The following OPCML variants were observed in gnomAD, a reference collection of about 807,000 sequenced individuals.
The protein encoded by OPCML is opioid binding protein/cell adhesion molecule like, also known as opioid-binding protein/cell adhesion molecule.
Under a neutral mutation model 37.8 loss-of-function variants are expected in OPCML, and 13 were observed. The observed-to-expected ratio is 0.34, with a 90% CI of 0.22 to 0.55. The LOEUF is 0.55. OPCML is among the 20% of genes least tolerant of loss of function. The probability of loss-of-function intolerance (pLI) is 0.91; values close to 1 mark genes in which losing one functional copy is unlikely to be tolerated. For missense variants in OPCML, 341 were observed against 435.6 expected (o/e 0.78, Z 1.93); for synonymous variants, 176 against 168.8 (o/e 1.04, Z -0.33).
chr11:132,532,268 C>T (rs905007268), intron 3 of OPCML, among the ~76,000 whole-genome samples: 4 of 152,134 alleles, frequency 2.6e-5, no homozygotes, highest in African/African-American at 9.7e-5. Context: ...TCCTCTGTAG[C>T]TCCGTCATGT....
intron 1 of OPCML, among the ~76,000 whole-genome samples, chr11:133,011,090 C>T (rs112822564): frequency 2.0e-5 from 3 of 152,224 alleles, no homozygotes; most frequent in African/African-American, 7.2e-5. Flanking sequence ...TTCTTAAAAC[C>T]ATGTTATTTA....
In OPCML at chr11:132,557,256, G is replaced by T. The variant is rs540042159; in HGVS notation, c.380-28070C>A. Reference sequence around the variant, plus strand: ...CAATTTAGATTCTGTACCCAGAGCCGATTGACAGTGGTGGATTCCAAGGTC... The same window carrying T: ...CAATTTAGATTCTGTACCCAGAGCCTATTGACAGTGGTGGATTCCAAGGTC... On this transcript the variant is annotated intron_variant, in intron 3 of 7. Transcript: ENST00000524381. Among the ~76,000 whole-genome samples the T allele has an allele frequency of 9.8e-5, 15 of 152,294 alleles. No individual in the cohort carries two copies. In the South Asian group the frequency reaches 3.1e-3, roughly 32 times the overall value.
chr11:132,474,236 G>A (rs1161505313), intron 4 of OPCML, among the ~76,000 whole-genome samples: 2 of 152,078 alleles, frequency 1.3e-5, no homozygotes, highest in African/African-American at 4.8e-5. Context: ...TCCTGCCTTT[G>A]TAGCTTTGCT....
At chr11:133,478,465 G>T in intron 1 of OPCML, among the ~76,000 whole-genome samples, 1 of 123,880 alleles carries the variant, frequency 8.1e-6, no homozygotes, top group Non-Finnish European at 1.8e-5. Context: ...TCGTGTCATA[G>T]TTTGTGGGGT....
chr11:133,342,873 C>T (rs1380200384), intron 1 of OPCML, among the ~76,000 whole-genome samples: 4 of 152,166 alleles, frequency 2.6e-5, no homozygotes, highest in Non-Finnish European at 5.9e-5. Context: ...CTGAGAATTA[C>T]TCATTTTGGA....
At chr11:132,715,706 G>C (rs1259189622) in intron 2 of OPCML, among the ~76,000 whole-genome samples, 6 of 152,156 alleles carry the variant, frequency 3.9e-5, no homozygotes, top group African/African-American at 1.4e-4. Flanking sequence ...AGCTACACTA[G>C]CACCCTGGTT....
At chr11:132,457,236 C>A (rs186208145) in intron 4 of OPCML, among the ~76,000 whole-genome samples, 2 of 152,122 alleles carry the variant, frequency 1.3e-5, no homozygotes, top group African/African-American at 4.8e-5. Flanking sequence ...ATGAGGCTGA[C>A]GAATTGAGCA....
intron 2 of OPCML, among the ~76,000 whole-genome samples, chr11:132,757,661 A>C (rs1241806083): frequency 6.6e-6 from 1 of 151,982 alleles, no homozygotes; most frequent in African/African-American, 2.4e-5. Flanking sequence ...TTTTTCTTGT[A>C]AAATTGTTTA....
chr11:133,343,769 T>C (rs1943931094), intron 1 of OPCML, among the ~76,000 whole-genome samples: 2 of 152,216 alleles, frequency 1.3e-5, no homozygotes, highest in South Asian at 4.1e-4. Flanking sequence ...AAAAGAGGCC[T>C]GACACAGGGT....
intron 3 of OPCML, among the ~76,000 whole-genome samples, chr11:132,612,997 A>T (rs372072465): frequency 6.6e-6 from 1 of 152,330 alleles, no homozygotes; most frequent in African/African-American, 2.4e-5. Context: ...GCATTTAGAA[A>T]CTTATTCCTG....
chr11:133,436,658 G>A (rs1946239554), intron 1 of OPCML, among the ~76,000 whole-genome samples: 1 of 152,142 alleles, frequency 6.6e-6, no homozygotes, highest in Admixed American at 6.5e-5. Flanking sequence ...CATACAATTA[G>A]GGAAATACGG....
At chr11:133,414,913 T>G (rs1490690988) in intron 1 of OPCML, among the ~76,000 whole-genome samples, 3 of 152,006 alleles carry the variant, frequency 2.0e-5, no homozygotes, top group East Asian at 1.9e-4. Flanking sequence ...TGACATCTGT[T>G]GCTAGGAGTG....
chr11:133,000,277 G>A (rs1425015621), intron 1 of OPCML, among the ~76,000 whole-genome samples: 4 of 151,974 alleles, frequency 2.6e-5, no homozygotes, highest in Admixed American at 1.3e-4. Context: ...CGCACCCAAC[G>A]AGTTTTTGTA....
At chr11:133,392,430 G>T (rs138660056) in intron 1 of OPCML, among the ~76,000 whole-genome samples, 1 of 152,294 alleles carries the variant, frequency 6.6e-6, no homozygotes, top group Non-Finnish European at 1.5e-5. Context: ...AACCCTCACT[G>T]CATTAAGCCC....
chr11:133,134,180 G>T (rs1949646934), intron 1 of OPCML, among the ~76,000 whole-genome samples: 2 of 152,072 alleles, frequency 1.3e-5, no homozygotes, highest in Non-Finnish European at 2.9e-5. Context: ...TATCAGCCTT[G>T]TCCACTTAAC....
chr11:133,333,955 C>T (rs1943683175), intron 1 of OPCML, among the ~76,000 whole-genome samples: 2 of 152,156 alleles, frequency 1.3e-5, no homozygotes. Context: ...CTATTTCACA[C>T]CAGTCAGAAT....
rs930289475 is a variant in OPCML, at chr11:132,959,364, C to G, written c.62-16354G>C. Among the ~76,000 whole-genome samples the G allele has an allele frequency of 2.0e-5, 3 of 152,300 alleles. No individual in the cohort carries two copies. In the East Asian group the frequency reaches 5.8e-4, roughly 29 times the overall value. On this transcript the variant is annotated intron_variant, in intron 1 of 7. Coordinates refer to ENST00000524381, the MANE Select transcript of OPCML (RefSeq NM_001012393.5). ...GGTTTCTTGAGATGGAAACTACCCT[C>G]GGTGAAGATGCTGTGAACATTGTTG...
At chr11:133,257,028 C>A (rs1173374556) in intron 1 of OPCML, among the ~76,000 whole-genome samples, 1 of 152,236 alleles carries the variant, frequency 6.6e-6, no homozygotes, top group Non-Finnish European at 1.5e-5. Context: ...GTAAACACTA[C>A]TGCCAGGACC....
At chr11:132,679,491 A>G (rs1591715477) in intron 2 of OPCML, among the ~76,000 whole-genome samples, 1 of 152,208 alleles carries the variant, frequency 6.6e-6, no homozygotes, top group East Asian at 1.9e-4. Context: ...ACAACAACAA[A>G]AGATCTCCTA....
Sources: gnomAD v4.1 joint callset for allele counts (sites outside exome capture counted in the v4.1 genomes callset) on GRCh38, gnomAD v4.1.1 for gene constraint, MANE v1.5 for transcripts, NCBI Gene and HGNC (gene_info 2026-07-23, HGNC 2026-07-21) for gene names.